The following PARD3 variants were observed in gnomAD, a reference collection of about 807,000 sequenced individuals.
PARD3 encodes partitioning defective 3 homolog.
PARD3 carries 75 observed loss-of-function variants against 155.4 expected under a neutral mutation model. That is an observed-to-expected ratio of 0.48 (90% CI 0.40 to 0.58). PARD3 has a LOEUF of 0.58. PARD3 is among the 20% of genes least tolerant of loss of function. PARD3 has a pLI of 0.00. For synonymous variants in PARD3, 576 were observed against 610.5 expected, an observed-to-expected ratio of 0.94 and a Z score of 0.83; for missense variants, 1,642 against 1,721.7, an observed-to-expected ratio of 0.95 and a Z score of 0.82.
intron 22 of PARD3, among the ~76,000 whole-genome samples, chr10:34,230,858 T>C (rs993686500): frequency 6.6e-6 from 1 of 151,984 alleles, no homozygotes; most frequent in Non-Finnish European, 1.5e-5. Context: ...TGAGACCTCA[T>C]CTTTATCAAA....
chr10:34,623,756 C>A (rs531335601), intron 2 of PARD3, among the ~76,000 whole-genome samples: 1 of 149,938 alleles, frequency 6.7e-6, no homozygotes, highest in South Asian at 2.1e-4. Flanking sequence ...CGAAGTGGGG[C>A]GGATCACGAG....
intron 12 of PARD3, among the ~76,000 whole-genome samples, chr10:34,369,799 T>C (rs1163759415): frequency 6.6e-6 from 1 of 152,150 alleles, no homozygotes; most frequent in African/African-American, 2.4e-5. Context: ...GGTGAAATCA[T>C]TAGTGCTCCC....
At chr10:34,583,845 C>T (rs1214045445) in intron 2 of PARD3, among the ~76,000 whole-genome samples, 2 of 151,992 alleles carry the variant, frequency 1.3e-5, no homozygotes, top group African/African-American at 4.8e-5. Flanking sequence ...CAGTTTAATG[C>T]TCCAATTTTT....
At chr10:34,271,654 C>A (rs1031914118) in intron 21 of PARD3, among the ~76,000 whole-genome samples, 2 of 152,148 alleles carry the variant, frequency 1.3e-5, no homozygotes, top group African/African-American at 4.8e-5. Context: ...TGTGCTCCTA[C>A]CACTGTAATT....
intron 5 of PARD3, among the ~76,000 whole-genome samples, chr10:34,411,994 AT>A (rs1397418512): frequency 1.4e-5 from 2 of 145,024 alleles, no homozygotes; most frequent in Admixed American, 1.4e-4. Context: ...ACAGGGTTTC[AT>A]TCTGTCACCT....
intron 16 of PARD3, among the ~76,000 whole-genome samples, chr10:34,338,479 G>A (rs17472038): frequency 6.6e-6 from 1 of 152,158 alleles, no homozygotes; most frequent in Non-Finnish European, 1.5e-5. Context: ...CCAGGTGAGA[G>A]AACATCCCTC....
chr10:34,650,259 T>C (rs2092966177), intron 2 of PARD3, among the ~76,000 whole-genome samples: 1 of 152,260 alleles, frequency 6.6e-6, no homozygotes, highest in African/African-American at 2.4e-5. Context: ...AGTAGGTTTC[T>C]TCACAGCAGC....
At chr10:34,625,116 G>C in intron 2 of PARD3, among the ~76,000 whole-genome samples, 1 of 152,200 alleles carries the variant, frequency 6.6e-6, no homozygotes, top group East Asian at 1.9e-4. Flanking sequence ...CCCCAATGTT[G>C]TCAAGGATCT....
chr10:34,438,619 CTATT>C (rs1282039568), intron 5 of PARD3, among the ~76,000 whole-genome samples: 1 of 151,962 alleles, frequency 6.6e-6, no homozygotes, highest in Non-Finnish European at 1.5e-5. Context: ...TATTGAAAGA[CTATT>C]TACCCAAAAG....
chr10:34,732,409 C>T (rs2094835002), intron 1 of PARD3, among the ~76,000 whole-genome samples: 1 of 152,126 alleles, frequency 6.6e-6, no homozygotes, highest in South Asian at 2.1e-4. Flanking sequence ...TTTTAAAATA[C>T]ATACAGGCCA....
chr10:34,331,238 A>T lies in PARD3; in HGVS notation c.2712T>A (p.Pro904=). Residue 904 remains proline (P), a synonymous_variant, in exon 19 of 25, where the codon CCT becomes CCA. Coordinates refer to ENST00000374788, the MANE Select transcript of PARD3 (RefSeq NM_001184785.2). ...VAEVTLNGDI[P]FHRPRPRIIR... is the part of the protein sequence containing the mutation. The stretch of plus-strand genomic sequence containing the variant: ...TTATCCGCGGCCGTGGACGATGGAA[A>T]GGAATATCCCCATTCAAAGTCACCT... 1 of 1,614,042 alleles carries T rather than the reference A, an allele frequency of 6.2e-7. No homozygotes were observed. Among genetic ancestry groups the T allele is most frequent in the Admixed American group, 1.7e-5 (1 of 59,982 alleles).
chr10:34,693,090 C>CA (rs1439011081), intron 2 of PARD3, among the ~76,000 whole-genome samples: 8 of 152,024 alleles, frequency 5.3e-5, no homozygotes, highest in Admixed American at 2.0e-4. Flanking sequence ...AATTAAAAGT[C>CA]AAAAAATAAC....
chr10:34,269,403 G>C (rs1955502586), intron 22 of PARD3, among the ~76,000 whole-genome samples: 1 of 152,118 alleles, frequency 6.6e-6, no homozygotes, highest in Non-Finnish European at 1.5e-5. Flanking sequence ...GTAGAGGTTG[G>C]TTCTCAGGTA....
intron 7 of PARD3, among the ~76,000 whole-genome samples, chr10:34,397,974 A>C (rs1311987571): frequency 6.6e-6 from 1 of 152,242 alleles, no homozygotes; most frequent in Non-Finnish European, 1.5e-5. Flanking sequence ...CCATGTTGAA[A>C]ATAATATTGT....
intron 1 of PARD3, among the ~76,000 whole-genome samples, chr10:34,804,804 A>G (rs1843166341): frequency 6.6e-6 from 1 of 152,230 alleles, no homozygotes; most frequent in South Asian, 2.1e-4. Flanking sequence ...ATGTAAAAGA[A>G]ATTGAACAAA....
intron 22 of PARD3, among the ~76,000 whole-genome samples, chr10:34,168,049 T>A (rs1169701422): frequency 2.8e-5 from 3 of 107,434 alleles, no homozygotes; most frequent in Admixed American, 8.3e-5. Context: ...TGGCTTAATA[T>A]GGTTTTTTTC....
intron 1 of PARD3, among the ~76,000 whole-genome samples, chr10:34,765,571 G>A (rs1185558511): frequency 1.3e-5 from 2 of 151,900 alleles, no homozygotes; most frequent in African/African-American, 2.4e-5. Context: ...CCAGCTACTC[G>A]GGAGGCTGAC....
chr10:34,644,440 T>C (rs915565154), intron 2 of PARD3, among the ~76,000 whole-genome samples: 1 of 152,264 alleles, frequency 6.6e-6, no homozygotes, highest in East Asian at 1.9e-4. Flanking sequence ...GCTTATTCTC[T>C]GGTGCCACAG....
intron 2 of PARD3, among the ~76,000 whole-genome samples, chr10:34,596,091 G>GT (rs1306044327): frequency 6.6e-6 from 1 of 152,154 alleles, no homozygotes; most frequent in East Asian, 1.9e-4. Context: ...ATCAAACTTT[G>GT]TTCAAATTAT....
Sources: allele counts gnomAD v4.1 joint callset (sites outside exome capture counted in the v4.1 genomes callset), GRCh38; gene constraint gnomAD v4.1.1; transcripts MANE v1.5; gene names NCBI Gene and HGNC (gene_info 2026-07-23, HGNC 2026-07-21).